The following ROBO2 variants were observed in gnomAD, a reference collection of about 807,000 sequenced individuals.
ROBO2 encodes roundabout homolog 2.
A neutral mutation model predicts 160.8 loss-of-function variants in ROBO2; 53 were observed. That is an observed-to-expected ratio of 0.33 (90% CI 0.26 to 0.41). The LOEUF is 0.41. Among genes scored for constraint, ROBO2 ranks in the 10% least tolerant of loss-of-function variants. ROBO2 has a pLI of 1.00. For missense variants in ROBO2, 1,577 were observed against 1,722.4 expected, an observed-to-expected ratio of 0.92 and a Z score of 1.49; for synonymous variants, 664 against 611.7, an observed-to-expected ratio of 1.09 and a Z score of -1.26.
chr3:76,080,271 T>G (rs1274827464), intron 2 of ROBO2, among the ~76,000 whole-genome samples: 1 of 152,224 alleles, frequency 6.6e-6, no homozygotes, highest in Non-Finnish European at 1.5e-5. Context: ...TATTTTTGGC[T>G]TCAGCGCTTA....
chr3:76,560,005 C>T (rs948597883), intron 2 of ROBO2, among the ~76,000 whole-genome samples: 2 of 152,082 alleles, frequency 1.3e-5, no homozygotes, highest in African/African-American at 4.8e-5. Context: ...CAATGCAATG[C>T]AGTCCATAGT....
chr3:76,445,323 G>A (rs1258531062), intron 2 of ROBO2, among the ~76,000 whole-genome samples: 1 of 152,154 alleles, frequency 6.6e-6, no homozygotes, highest in Non-Finnish European at 1.5e-5. Flanking sequence ...AAATGGTATA[G>A]TCACTTGAAA....
intron 2 of ROBO2, among the ~76,000 whole-genome samples, chr3:76,619,376 C>G (rs2088877381): frequency 6.6e-6 from 1 of 151,494 alleles, no homozygotes; most frequent in South Asian, 2.1e-4. Flanking sequence ...TCTAGTCTTT[C>G]AAATTATCTC....
intron 2 of ROBO2, among the ~76,000 whole-genome samples, chr3:76,304,592 C>T (rs2071229104): frequency 2.0e-5 from 3 of 151,996 alleles, no homozygotes; most frequent in African/African-American, 7.3e-5. Context: ...AATAGTGCAG[C>T]CTGTAGTTAG....
intron 6 of ROBO2, among the ~76,000 whole-genome samples, chr3:77,536,787 C>T (rs528427078): frequency 3.3e-5 from 5 of 152,196 alleles, no homozygotes; most frequent in Admixed American, 6.5e-5. Context: ...TACTGTGGTA[C>T]GTTCCAGTAA....
intron 2 of ROBO2, among the ~76,000 whole-genome samples, chr3:75,995,050 G>C (rs185610911): frequency 2.0e-5 from 3 of 152,180 alleles, no homozygotes; most frequent in Non-Finnish European, 4.4e-5. Flanking sequence ...AGGTGACAGA[G>C]CATAAAAGTT....
rs200099406 is a variant in ROBO2, at chr3:77,563,180, A to G, written c.1533A>G (p.Thr511=). ...TGTCCTCTATAGAGTCTGGAGCAAC[A>G]ATCAGTAAAAACTATGATTTAAGTG... Residue 511 remains threonine, a synonymous_variant, in exon 11 of 26, where the codon ACA becomes ACG. Coordinates refer to ENST00000461745, the Ensembl canonical transcript of ROBO2. 1.5e-5 allele frequency: 25 copies of G among 1,613,348 alleles called. No homozygotes were observed. In the East Asian group the frequency reaches 5.6e-4, roughly 36 times the overall value.
intron 2 of ROBO2, among the ~76,000 whole-genome samples, chr3:77,373,244 G>A (rs1260034936): frequency 6.7e-6 from 1 of 149,276 alleles, no homozygotes; most frequent in Admixed American, 6.7e-5. Flanking sequence ...AGCAAGACAT[G>A]TGGAAGTATT....
chr3:77,579,951 G>C, exon 16 of ROBO2: 1 of 1,612,840 alleles, frequency 6.2e-7, no homozygotes, highest in Non-Finnish European at 8.5e-7. Flanking sequence ...CTGTAGATCT[G>C]GTGTCTAGGA....
intron 2 of ROBO2, among the ~76,000 whole-genome samples, chr3:76,354,203 A>AT (rs1223109580): frequency 6.6e-6 from 1 of 151,956 alleles, no homozygotes; most frequent in African/African-American, 2.4e-5. Context: ...CAGTTCATAT[A>AT]TGTTAAAATA....
rs148023438 is a variant in ROBO2, at chr3:76,214,338, C to T, written c.109+276736C>T. ...CGGTCCCTCAGTGGGTGCAGTACACCGAGCATGAGCCAAAGCAGGACGAGG... is the reference window on the plus strand; with the variant it reads ...CGGTCCCTCAGTGGGTGCAGTACACTGAGCATGAGCCAAAGCAGGACGAGG... On this transcript the variant is annotated intron_variant, in intron 2 of 26. Coordinates refer to the ROBO2 transcript ENST00000487694. 4.6e-3 allele frequency among the ~76,000 whole-genome samples: 706 copies of T among 152,272 alleles called. 6 individuals are homozygous for T. Among genetic ancestry groups the T allele is most frequent in the African/African-American group, 0.014 (589 of 41,558 alleles).
intron 2 of ROBO2, among the ~76,000 whole-genome samples, chr3:76,524,826 T>TAAAAAAAAAAA (rs58091252): frequency 9.7e-4 from 21 of 21,736 alleles, no homozygotes; most frequent in South Asian, 2.4e-3. Context: ...CTCTTATTCC[T>TAAAAAAAAAAA]AAAAAAAAAA....
intron 2 of ROBO2, among the ~76,000 whole-genome samples, chr3:76,770,554 C>G (rs1199397087): frequency 6.6e-6 from 1 of 151,162 alleles, no homozygotes; most frequent in Non-Finnish European, 1.5e-5. Context: ...TTGACTTCCC[C>G]CACATCCCTG....
In ROBO2 at chr3:77,255,096, T is replaced by C. The variant is rs1325442938; in HGVS notation, c.388+156756T>C. ...AGGAAAGTAAATTTTAGATTAACAC[T>C]GGGGAGACTGGATTTTCTTTTGGTA... On this transcript the variant is annotated intron_variant, in intron 2 of 25. Coordinates refer to ENST00000461745, the Ensembl canonical transcript of ROBO2. Among the ~76,000 whole-genome samples, 4 of 152,288 alleles carry C rather than the reference T, an allele frequency of 2.6e-5. No individual in the cohort carries two copies. The East Asian group carries it at 7.7e-4, about 29-fold the overall frequency.
chr3:77,420,737 ACT>A (rs763336509), intron 2 of ROBO2, among the ~76,000 whole-genome samples: 2 of 152,124 alleles, frequency 1.3e-5, no homozygotes, highest in African/African-American at 2.4e-5. Flanking sequence ...AGGCTACCAG[ACT>A]CTGCTGATTT....
intron 2 of ROBO2, among the ~76,000 whole-genome samples, chr3:76,759,879 T>G (rs1314484429): frequency 6.6e-6 from 1 of 151,802 alleles, no homozygotes; most frequent in Non-Finnish European, 1.5e-5. Flanking sequence ...GCTCCGCGAT[T>G]CTCTTCACTT....
At chr3:77,292,203 T>C (rs1486125319) in intron 2 of ROBO2, among the ~76,000 whole-genome samples, 1 of 147,090 alleles carries the variant, frequency 6.8e-6, no homozygotes, top group Admixed American at 6.8e-5. Flanking sequence ...AAATTGATGG[T>C]TAAACGGGTA....
At chr3:76,141,510 A>G (rs2071669659) in intron 2 of ROBO2, among the ~76,000 whole-genome samples, 1 of 151,844 alleles carries the variant, frequency 6.6e-6, no homozygotes. Flanking sequence ...AACAATGAGT[A>G]ACATTGAATA....
intron 2 of ROBO2, among the ~76,000 whole-genome samples, chr3:76,064,722 TG>T (rs2068193904): frequency 6.6e-6 from 1 of 152,106 alleles, no homozygotes; most frequent in African/African-American, 2.4e-5. Flanking sequence ...ATACATACAA[TG>T]TAGAAGCACA....
Sources: gnomAD v4.1 joint callset for allele counts (sites outside exome capture counted in the v4.1 genomes callset) on GRCh38, gnomAD v4.1.1 for gene constraint, MANE v1.5 for transcripts, NCBI Gene and HGNC (gene_info 2026-07-23, HGNC 2026-07-21) for gene names.